SPARC: variants seen among roughly 807,000 people sequenced by gnomAD.
SPARC encodes the protein secreted protein acidic and cysteine rich, also known as basement-membrane protein 40.
A neutral mutation model predicts 37.7 loss-of-function variants in SPARC; 23 were observed. The observed-to-expected ratio is 0.61, with a 90% CI of 0.44 to 0.87. The LOEUF (loss-of-function observed/expected upper bound fraction) is 0.87. Among genes scored for constraint, SPARC ranks in the 40% least tolerant of loss-of-function variants. The pLI is 0.00. For synonymous variants in SPARC, 155 were observed against 150.8 expected (o/e 1.03, Z -0.20); for missense variants, 312 against 389.0 (o/e 0.80, Z 1.66).
intron 3 of SPARC, among the ~76,000 whole-genome samples, chr5:151,673,805 C>T (rs781471689): frequency 3.3e-4 from 50 of 152,134 alleles, no homozygotes; most frequent in Non-Finnish European, 5.0e-4. Context: ...ACTGTACTCC[C>T]GACCACCTTG....
rs1427479079 is a variant in SPARC, at chr5:151,675,484, T to C, written c.57+648A>G. ...GGCTCAGGACCCAAGCTCAGCCAGA[T>C]TGGCTCTCATTTTTTGAATTTATAA... On this transcript the variant is annotated intron_variant, in intron 2 of 9. Coordinates refer to ENST00000231061, the MANE Select transcript of SPARC (RefSeq NM_003118.4). 2.0e-5 allele frequency among the ~76,000 whole-genome samples: 3 copies of C among 152,206 alleles called. No individual in the cohort carries two copies. The East Asian group carries it at 5.8e-4, about 29-fold the overall frequency.
chr5:151,673,274 G>C, intron 3 of SPARC, 58 bp from the exon 4 acceptor site: 1 of 1,217,932 alleles, frequency 8.2e-7, no homozygotes, highest in South Asian at 1.2e-5. Context: ...AGACCCATAA[G>C]GGTAGCTGAA....
chr5:151,666,280 A>C (rs1472432302), intron 8 of SPARC, 81 bp downstream of exon 8: 1 of 1,445,632 alleles, frequency 6.9e-7, no homozygotes, highest in African/African-American at 1.4e-5. Context: ...GGAGCAGTAT[A>C]GGCTGCTGAG....
intron 6 of SPARC, among the ~76,000 whole-genome samples, chr5:151,668,283 G>A (rs1261278532): frequency 6.6e-6 from 1 of 151,808 alleles, no homozygotes; most frequent in East Asian, 1.9e-4. Flanking sequence ...CTCCTGAGTA[G>A]CTGGGACTAC....
At chr5:151,673,796 C>G (rs1188745219) in intron 3 of SPARC, among the ~76,000 whole-genome samples, 1 of 152,184 alleles carries the variant, frequency 6.6e-6, no homozygotes, top group Non-Finnish European at 1.5e-5. Flanking sequence ...TGAAAGCAAA[C>G]TGTACTCCCG....
In SPARC at chr5:151,663,493, A is replaced by G; in HGVS notation, c.*78T>C. 7.2e-7 allele frequency: 1 copy of G among 1,397,120 alleles called. No homozygotes were observed. The highest frequency in any genetic ancestry group is 1.2e-5 in the South Asian group (1 of 85,730). 86.5% of individuals were successfully genotyped at this position (1,397,120 alleles called of 1,614,324 possible). A position where few individuals can be genotyped will look rare whatever the true frequency, so the allele number is the denominator to read the frequency against. ...TTGTCTCCAGGCAGAACAACAAACC[A>G]TCCAAACATTTTAAACATTGGGGGA... is the stretch of plus-strand genomic sequence containing the variant. On this transcript the variant is annotated 3_prime_UTR_variant, in exon 10 of 10. Coordinates refer to ENST00000231061, the MANE Select transcript of SPARC (RefSeq NM_003118.4).
At chr5:151,679,847 A>G (rs1330542087) in intron 1 of SPARC, 1 of 152,244 alleles carries the variant, frequency 6.6e-6, no homozygotes, top group African/African-American at 2.4e-5. Flanking sequence ...ATACCTCAGA[A>G]TCATAGAATC....
chr5:151,663,354 A>C lies in SPARC; in HGVS notation c.*217T>G, dbSNP rs1307997144. On this transcript the variant is annotated 3_prime_UTR_variant, in exon 10 of 10. Transcript: ENST00000231061. ...ATGGCAAGAGAAAAATGGGACTATT[A>C]ATGCGTGTGGAAAAGGCCTTAATAG... is the stretch of plus-strand genomic sequence containing the variant. 1.7e-6 allele frequency: 1 copy of C among 571,568 alleles called. No individual in the cohort carries two copies. The highest frequency in any genetic ancestry group is 3.1e-6 in the Non-Finnish European group (1 of 321,276). The allele number at this position is 571,568 out of a possible 1,614,324, so 35.4% of individuals were successfully genotyped here. A position where few individuals can be genotyped will look rare whatever the true frequency, so the allele number is the denominator to read the frequency against.
rs747251746 is a variant in SPARC at position 151,671,715 on chromosome 5, G to A, written c.209-21C>T. 7 of 1,613,354 alleles carry A rather than the reference G, an allele frequency of 4.3e-6. No homozygotes were observed. In the Admixed American group the frequency reaches 1.0e-4, roughly 23 times the overall value. Reference sequence around the variant, plus strand: ...GGGATCTGTAGGGCAGAAAGACAAGGGAGTTAGCATCACCTGGACTAGCAC... The same window carrying A: ...GGGATCTGTAGGGCAGAAAGACAAGAGAGTTAGCATCACCTGGACTAGCAC... On this transcript the variant is annotated intron_variant, in intron 4 of 9. Transcript: ENST00000231061.
At chr5:151,683,592 TTA>T (rs1248821142) in intron 1 of SPARC, among the ~76,000 whole-genome samples, 2 of 152,224 alleles carry the variant, frequency 1.3e-5, no homozygotes, top group African/African-American at 2.4e-5. Flanking sequence ...ATGATCCATA[TTA>T]TGTTTGACTG....
chr5:151,661,427 A>G lies in SPARC; in HGVS notation c.*2144T>C, dbSNP rs1031716890. ...TACTGCTCGCCCTCCCACTGTGTAG[A>G]AGAGAACACCAGAATACAGTTTGAT... On this transcript the variant is annotated 3_prime_UTR_variant, in exon 10 of 10. Transcript: ENST00000231061. 2.6e-5 allele frequency: 4 copies of G among 152,234 alleles called. No homozygotes were observed. The highest frequency in any genetic ancestry group is 6.5e-5 in the Admixed American group (1 of 15,284). 9.4% of individuals were successfully genotyped at this position (152,234 alleles called of 1,614,324 possible). A position where few individuals can be genotyped will look rare whatever the true frequency, so the allele number is the denominator to read the frequency against.
rs1760572448 is a variant in SPARC, at chr5:151,664,116, T to C, written c.854A>G (p.Glu285Gly). 2.5e-6 allele frequency: 4 copies of C among 1,614,156 alleles called. No individual in the cohort carries two copies. Among genetic ancestry groups the C allele is most frequent in the Non-Finnish European group, 3.4e-6 (4 of 1,180,026 alleles). The change falls in exon 9 of 10, where the codon GAG (glutamate) becomes GGG (glycine). Residue 285 changes from glutamate (E) to glycine (G), a missense_variant. By Grantham distance (98) the Glu-to-Gly change is moderately conservative (BLOSUM62 -2). Transcript: ENST00000231061. Reference sequence around the variant, plus strand: ...CTTGATGCCGAAGCAGCCGGCCCACTCATCCAGGGCGATGTACTTGTCATT... The same window carrying C: ...CTTGATGCCGAAGCAGCCGGCCCACCCATCCAGGGCGATGTACTTGTCATT... ...LDNDKYIALD[E>G]WAGCFGIKQK...
At chr5:151,684,243 GC>G (rs1761075071) in intron 1 of SPARC, among the ~76,000 whole-genome samples, 1 of 152,110 alleles carries the variant, frequency 6.6e-6, no homozygotes, top group Non-Finnish European at 1.5e-5. Context: ...ATGCAGGCAA[GC>G]TATTCCTTTG....
In SPARC at chr5:151,673,966, CTGTGTGTGTGTG is replaced by C. The variant is rs3138755; in HGVS notation, c.120+634_120+645del. Among the ~76,000 whole-genome samples the C allele has an allele frequency of 4.9e-3, 696 of 141,832 alleles. 5 individuals are homozygous for C. The highest frequency in any genetic ancestry group is 0.016 in the African/African-American group (626 of 38,496). 93.0% of individuals were successfully genotyped at this position (141,832 alleles called of 152,430 possible). On this transcript the variant is annotated intron_variant, in intron 3 of 9. Transcript: ENST00000231061. Reference sequence around the variant, plus strand: ...CACACCCAAGCATCTCCCCTTTCCTCTGTGTGTGTGTGTGTGTGTGTGTGTGTGTGTGTGTGT... The same window carrying C: ...CACACCCAAGCATCTCCCCTTTCCTCTGTGTGTGTGTGTGTGTGTGTGTGT...
intron 1 of SPARC, among the ~76,000 whole-genome samples, chr5:151,677,539 G>A (rs1032660283): frequency 6.6e-6 from 1 of 152,196 alleles, no homozygotes; most frequent in African/African-American, 2.4e-5. Flanking sequence ...TTCTACCACA[G>A]TAGTATCAAG....
intron 1 of SPARC, among the ~76,000 whole-genome samples, chr5:151,685,453 C>CACACACACAT (rs1449375228): frequency 6.6e-6 from 1 of 151,764 alleles, no homozygotes; most frequent in African/African-American, 2.4e-5. Flanking sequence ...CACACACACA[C>CACACACACAT]ACACAGTGCA....
chr5:151,667,616 A>G lies in SPARC; in HGVS notation c.452-16T>C. Reference sequence around the variant, plus strand: ...GGGGGGATGTCTAGGTTCCAAACACAAGGGCGGTCAGCACAGACCCTGCCT... The same window carrying G: ...GGGGGGATGTCTAGGTTCCAAACACGAGGGCGGTCAGCACAGACCCTGCCT... On this transcript the variant is annotated splice_polypyrimidine_tract_variant and intron_variant, in intron 6 of 9. Coordinates refer to ENST00000231061, the MANE Select transcript of SPARC (RefSeq NM_003118.4). 6.2e-7 allele frequency: 1 copy of G among 1,613,696 alleles called. No homozygotes were observed. The highest frequency in any genetic ancestry group is 1.3e-5 in the African/African-American group (1 of 74,998).
At chr5:151,676,418 T>C (rs901182324) in intron 1 of SPARC, among the ~76,000 whole-genome samples, 4 of 152,252 alleles carry the variant, frequency 2.6e-5, no homozygotes, top group African/African-American at 9.6e-5. Context: ...ACCTCCTTTA[T>C]ACTCATCTAT....
rs1190665213 is a variant in SPARC at position 151,664,165 on chromosome 5, AGCGGGTGGT to A, written c.796_804del (p.Thr266_Arg268del). On this transcript the variant is annotated inframe_deletion, in exon 9 of 10. Coordinates refer to ENST00000231061, the MANE Select transcript of SPARC (RefSeq NM_003118.4). ...TTGTCCAGGTCACAGGTCTCGAAAA[AGCGGGTGGT>A]GCAATGCTCCATGGGGATGAGGGGA... 1.9e-6 allele frequency: 3 copies of A among 1,614,068 alleles called. No homozygotes were observed. Among genetic ancestry groups the A allele is most frequent in the African/African-American group, 1.3e-5 (1 of 74,930 alleles).
Sources: allele counts gnomAD v4.1 joint callset (sites outside exome capture counted in the v4.1 genomes callset), GRCh38; gene constraint gnomAD v4.1.1; transcripts MANE v1.5; gene names NCBI Gene and HGNC (gene_info 2026-07-23, HGNC 2026-07-21).